Variants in VPS26B observed in about 807,000 individuals in gnomAD.
VPS26B encodes VPS26 retromer complex component B.
Under a neutral mutation model 33.3 loss-of-function variants are expected in VPS26B, and 10 were observed. That is an observed-to-expected ratio of 0.30 (90% CI 0.19 to 0.51). The LOEUF is 0.51. Ranked by LOEUF, VPS26B falls within the 20% of genes least tolerant of loss-of-function variation. The pLI, the probability that VPS26B is intolerant of heterozygous loss-of-function variation, is 0.98. For synonymous variants in VPS26B, 190 were observed against 176.9 expected, an observed-to-expected ratio of 1.07 and a Z score of -0.59; for missense variants, 317 against 452.7, an observed-to-expected ratio of 0.70 and a Z score of 2.72.
At chr11:134,231,930 A>G (rs963311273) in intron 1 of VPS26B, among the ~76,000 whole-genome samples, 1 of 152,220 alleles carries the variant, frequency 6.6e-6, no homozygotes, top group Admixed American at 6.5e-5. Context: ...TAGACTAAAC[A>G]TGGCCTTAGC....
intron 2 of VPS26B, 175 bp downstream of exon 2, chr11:134,235,228 C>G (rs1938614141): frequency 2.7e-6 from 2 of 754,612 alleles, no homozygotes; most frequent in Non-Finnish European, 4.1e-6. Flanking sequence ...GAAAGTGGCC[C>G]TAGGTTGTAG....
intron 1 of VPS26B, among the ~76,000 whole-genome samples, chr11:134,230,202 A>G (rs1938537704): frequency 6.6e-6 from 1 of 152,288 alleles, no homozygotes; most frequent in East Asian, 1.9e-4. Context: ...CTTTCTTACT[A>G]ATTTCTGAGC....
chr11:134,241,533 T>G (rs1483335303), intron 3 of VPS26B, among the ~76,000 whole-genome samples: 1 of 152,190 alleles, frequency 6.6e-6, no homozygotes, highest in East Asian at 1.9e-4. Flanking sequence ...CCCTTTCTCC[T>G]TATAGCCTCA....
At chr11:134,228,420 A>T (rs1938510161) in intron 1 of VPS26B, among the ~76,000 whole-genome samples, 1 of 151,320 alleles carries the variant, frequency 6.6e-6, no homozygotes, top group South Asian at 2.1e-4. Context: ...GGGAGTAAAG[A>T]TGTACTATTT....
chr11:134,238,409 C>T (rs1366151612), intron 2 of VPS26B, among the ~76,000 whole-genome samples: 2 of 151,888 alleles, frequency 1.3e-5, no homozygotes, highest in Non-Finnish European at 2.9e-5. Context: ...TCCCAGACAG[C>T]GGGGTGGGGA....
intron 2 of VPS26B, among the ~76,000 whole-genome samples, chr11:134,236,933 T>A (rs1938641388): frequency 6.6e-6 from 1 of 152,242 alleles, no homozygotes; most frequent in African/African-American, 2.4e-5. Context: ...AACTGTATAA[T>A]TAAAAATTGT....
At chr11:134,234,485 A>G (rs1411417017) in intron 1 of VPS26B, among the ~76,000 whole-genome samples, 2 of 152,224 alleles carry the variant, frequency 1.3e-5, no homozygotes, top group Admixed American at 6.5e-5. Flanking sequence ...CGGGGTGATA[A>G]GACCTGTCTT....
intron 1 of VPS26B, among the ~76,000 whole-genome samples, chr11:134,233,758 G>A (rs943878857): frequency 6.6e-6 from 1 of 152,250 alleles, no homozygotes; most frequent in East Asian, 1.9e-4. Context: ...CTTGTGCAGG[G>A]CCAGGTTCTA....
In VPS26B at chr11:134,245,752, C is replaced by T; in HGVS notation, c.*162C>T. The T allele has an allele frequency of 8.7e-6, 9 of 1,034,156 alleles. No individual in the cohort carries two copies. The highest frequency in any genetic ancestry group is 1.2e-5 in the Non-Finnish European group (9 of 733,632). 64.1% of individuals were successfully genotyped at this position (1,034,156 alleles called of 1,614,324 possible). On this transcript the variant is annotated 3_prime_UTR_variant, in exon 6 of 6. Transcript: ENST00000281187. The surrounding 1 kb of genome is among the most constrained non-coding windows in gnomAD (Gnocchi z 4.7). Reference sequence around the variant, plus strand: ...CTTAAATTCTTTTCTCTGGAGAACCCAAGGGGCTTGGGGTGGGAAGCAGTC... The same window carrying T: ...CTTAAATTCTTTTCTCTGGAGAACCTAAGGGGCTTGGGGTGGGAAGCAGTC...
chr11:134,224,730 G>C lies in VPS26B; in HGVS notation c.-393G>C, dbSNP rs1046223370. The C allele has an allele frequency of 6.6e-6, 1 of 152,048 alleles. No homozygotes were observed. Among genetic ancestry groups the C allele is most frequent in the African/African-American group, 2.4e-5 (1 of 41,408 alleles). 9.4% of individuals were successfully genotyped at this position (152,048 alleles called of 1,614,324 possible). On this transcript the variant is annotated 5_prime_UTR_variant, in exon 1 of 6. Transcript: ENST00000281187. ...CGGAGGCTGGGCAGCTCGCAGCGCT[G>C]CTCGGCGCTGGACCCCACCCGGCAG...
At chr11:134,242,557 A>G (rs1224819092) in intron 3 of VPS26B, among the ~76,000 whole-genome samples, 1 of 152,226 alleles carries the variant, frequency 6.6e-6, no homozygotes, top group Non-Finnish European at 1.5e-5. Flanking sequence ...GTGTTACCCA[A>G]TGTGGCTCAC....
At chr11:134,230,581 G>C (rs1414148474) in intron 1 of VPS26B, among the ~76,000 whole-genome samples, 1 of 152,192 alleles carries the variant, frequency 6.6e-6, no homozygotes, top group Admixed American at 6.5e-5. Flanking sequence ...CTCACTGGGG[G>C]AACTGGGATA....
In VPS26B at chr11:134,244,866, G is replaced by C. The variant is rs1307278875; in HGVS notation, c.722-72G>C. ...GCACTCCAGTGGCATCTCTGCAGTG[G>C]TCAGAGTGACCTGGTATAAGGGAGA... is the stretch of plus-strand genomic sequence containing the variant. On this transcript the variant is annotated intron_variant, in intron 4 of 5. Transcript: ENST00000281187. The surrounding 1 kb of genome is among the most constrained non-coding windows in gnomAD (Gnocchi z 4.0). 8 of 1,557,326 alleles carry C rather than the reference G, an allele frequency of 5.1e-6. No individual in the cohort carries two copies. Among genetic ancestry groups the C allele is most frequent in the Non-Finnish European group, 6.9e-6 (8 of 1,156,682 alleles).
rs1938799980 is a variant in VPS26B at position 134,245,559 on chromosome 11, G to T, written c.980G>T (p.Ser327Ile). 1.2e-6 allele frequency: 2 copies of T among 1,612,344 alleles called. No individual in the cohort carries two copies. The highest frequency in any genetic ancestry group is 2.7e-5 in the African/African-American group (2 of 74,912). The change falls in exon 6 of 6, where the codon AGC becomes ATC. Residue 327 changes from serine (S) to isoleucine (I), a missense_variant. Transcript: ENST00000281187. The surrounding 1 kb of genome is among the most constrained non-coding windows in gnomAD (Gnocchi z 4.7). ...TTSLGEVRTP[S>I]QLSDNNCRQ Reference sequence around the variant, plus strand: ...TCCCTGGGTGAGGTGCGGACCCCCAGCCAGCTGTCTGACAACAACTGCAGG... The same window carrying T: ...TCCCTGGGTGAGGTGCGGACCCCCATCCAGCTGTCTGACAACAACTGCAGG...
At chr11:134,233,883 A>G (rs1938595142) in intron 1 of VPS26B, among the ~76,000 whole-genome samples, 1 of 152,210 alleles carries the variant, frequency 6.6e-6, no homozygotes, top group African/African-American at 2.4e-5. Context: ...GAATATAAGC[A>G]AACATAAAAT....
intron 1 of VPS26B, among the ~76,000 whole-genome samples, chr11:134,230,303 T>C (rs1938538727): frequency 6.6e-6 from 1 of 152,260 alleles, no homozygotes; most frequent in Non-Finnish European, 1.5e-5. Context: ...AATGGATATA[T>C]TGGTCAAATC....
intron 2 of VPS26B, among the ~76,000 whole-genome samples, chr11:134,235,948 C>A (rs1418360211): frequency 6.6e-6 from 1 of 152,154 alleles, no homozygotes; most frequent in Non-Finnish European, 1.5e-5. Context: ...TTTATCTCCT[C>A]ACCTGAGGAC....
intron 1 of VPS26B, among the ~76,000 whole-genome samples, chr11:134,229,382 C>G (rs775999646): frequency 7.2e-5 from 11 of 152,194 alleles, no homozygotes; most frequent in Non-Finnish European, 1.2e-4. Context: ...GACCTCTCTT[C>G]TGAGTTTCAC....
chr11:134,226,497 C>T (rs1938475261), intron 1 of VPS26B, among the ~76,000 whole-genome samples: 1 of 152,158 alleles, frequency 6.6e-6, no homozygotes, highest in Admixed American at 6.5e-5. Flanking sequence ...AAGACTGGGT[C>T]GTCTCCAATT....
Sources: gnomAD v4.1 joint callset for allele counts (sites outside exome capture counted in the v4.1 genomes callset) on GRCh38, gnomAD v4.1.1 for gene constraint, Gnocchi (gnomAD v3.1) non-coding constraint, MANE v1.5 for transcripts, NCBI Gene and HGNC (gene_info 2026-07-23, HGNC 2026-07-21) for gene names.